The following ACSS3 variants were observed in gnomAD, a reference collection of about 807,000 sequenced individuals.
ACSS3 encodes the protein acyl-CoA synthetase short chain family member 3.
ACSS3 carries 64 observed loss-of-function variants against 84.2 expected under a neutral mutation model. The ratio of observed to expected loss-of-function variants is 0.76; its 90% CI spans 0.62 to 0.94. ACSS3 has a LOEUF of 0.94. ACSS3 is among the 40% of genes least tolerant of loss of function. The pLI, the probability that ACSS3 is intolerant of heterozygous loss-of-function variation, is 0.00. For missense variants in ACSS3, 815 were observed against 867.6 expected, an observed-to-expected ratio of 0.94 and a Z score of 0.76; for synonymous variants, 317 against 310.1, an observed-to-expected ratio of 1.02 and a Z score of -0.23.
intron 10 of ACSS3, among the ~76,000 whole-genome samples, chr12:81,219,548 T>C (rs1034035011): frequency 6.6e-6 from 1 of 152,120 alleles, no homozygotes; most frequent in African/African-American, 2.4e-5. Flanking sequence ...GAAGATTAAA[T>C]TGACCAAATT....
intron 2 of ACSS3, among the ~76,000 whole-genome samples, chr12:81,131,256 T>A (rs1464232454): frequency 1.3e-5 from 2 of 152,230 alleles, no homozygotes; most frequent in Non-Finnish European, 2.9e-5. Flanking sequence ...TTCCCATCCA[T>A]GAGCATGGAG....
rs1422194458 is a variant in ACSS3 at position 81,078,253 on chromosome 12, G to A, written c.133G>A (p.Gly45Ser). ...TTTAGTGGTCCCGGGCCCGCGGGGC[G>A]GTCTCGGGGGCCGGGGATGCAGGGC... ...RALVVPGPRG[G>S]LGGRGCRALS... Residue 45 changes from glycine to serine, a missense_variant, in exon 1 of 16, where the codon GGT (glycine) becomes AGT (serine). Physicochemically the swap from Gly to Ser is moderately conservative, Grantham distance 56 (BLOSUM62 0). Coordinates refer to ENST00000548058, the MANE Select transcript of ACSS3 (RefSeq NM_024560.4). 2 of 1,608,376 alleles carry A rather than the reference G, an allele frequency of 1.2e-6. No homozygotes were observed. Among genetic ancestry groups the A allele is most frequent in the African/African-American group, 2.7e-5 (2 of 74,822 alleles).
At chr12:81,225,716 A>G (rs577296377) in intron 11 of ACSS3, among the ~76,000 whole-genome samples, 1 of 151,918 alleles carries the variant, frequency 6.6e-6, no homozygotes, top group Non-Finnish European at 1.5e-5. Flanking sequence ...GTAGTTCACA[A>G]AGTGCTAGGA....
intron 13 of ACSS3, among the ~76,000 whole-genome samples, chr12:81,251,668 C>CAAAAAAAA (rs71098134): frequency 1.7e-3 from 153 of 87,566 alleles, no homozygotes; most frequent in Middle Eastern, 0.016. Context: ...CCCATCTCTA[C>CAAAAAAAA]AAAAAAAAAA....
intron 1 of ACSS3, among the ~76,000 whole-genome samples, chr12:81,085,894 G>T (rs865799808): frequency 9.9e-5 from 15 of 152,072 alleles, no homozygotes; most frequent in Middle Eastern, 3.4e-3. Context: ...ATTATTCTAG[G>T]GTTCTTGGGC....
intron 2 of ACSS3, among the ~76,000 whole-genome samples, chr12:81,132,187 G>A (rs1431407729): frequency 6.6e-6 from 1 of 152,164 alleles, no homozygotes; most frequent in Non-Finnish European, 1.5e-5. Flanking sequence ...GATTGGAATA[G>A]TTTCAGAAGG....
intron 8 of ACSS3, among the ~76,000 whole-genome samples, chr12:81,177,210 G>A (rs1182193643): frequency 2.6e-5 from 4 of 152,008 alleles, no homozygotes; most frequent in Non-Finnish European, 5.9e-5. Flanking sequence ...ACAATATACT[G>A]AACAGGGAAA....
At chr12:81,248,899 C>T (rs1015086831) in intron 13 of ACSS3, among the ~76,000 whole-genome samples, 6 of 151,776 alleles carry the variant, frequency 4.0e-5, no homozygotes, top group Admixed American at 3.9e-4. Flanking sequence ...ATTTATATTA[C>T]CTAAATCAAG....
At chr12:81,238,632 G>A (rs564855817) in intron 13 of ACSS3, among the ~76,000 whole-genome samples, 1 of 151,524 alleles carries the variant, frequency 6.6e-6, no homozygotes, top group Non-Finnish European at 1.5e-5. Flanking sequence ...ATTTTGTCTA[G>A]GTAATCAAAT....
chr12:81,196,822 C>G (rs11114786), intron 8 of ACSS3, among the ~76,000 whole-genome samples: 1 of 151,880 alleles, frequency 6.6e-6, no homozygotes, highest in Non-Finnish European at 1.5e-5. Flanking sequence ...AGCTGTCATG[C>G]GAATAAGTAG....
chr12:81,169,823 C>T (rs1722168474), intron 7 of ACSS3, among the ~76,000 whole-genome samples: 9 of 152,096 alleles, frequency 5.9e-5, no homozygotes, highest in Admixed American at 5.9e-4. Context: ...AGTTTTATCA[C>T]TCTCCTGAAA....
intron 1 of ACSS3, among the ~76,000 whole-genome samples, chr12:81,086,550 T>A (rs1311740956): frequency 6.6e-6 from 1 of 152,172 alleles, no homozygotes. Flanking sequence ...GCGCAATCAA[T>A]GAACAATGGA....
Position 81,125,092 on chromosome 12 carries a change from T to C in ACSS3, c.457-9724T>C, listed in dbSNP as rs188161962. Among the ~76,000 whole-genome samples, 16 of 152,258 alleles carry C rather than the reference T, an allele frequency of 1.1e-4. No homozygotes were observed. In the East Asian group the frequency reaches 2.7e-3, roughly 26 times the overall value. ...AGCCGGGCGTGGTGGTGGGCGCCTG[T>C]AGTCCCAGCTACTCGGGAGGCTGAG... On this transcript the variant is annotated intron_variant, in intron 2 of 15. Transcript: ENST00000548058.
chr12:81,174,806 C>G lies in ACSS3; in HGVS notation c.1117C>G (p.Pro373Ala). The G allele has an allele frequency of 6.2e-7, 1 of 1,613,088 alleles. No individual in the cohort carries two copies. Among genetic ancestry groups the G allele is most frequent in the Non-Finnish European group, 8.5e-7 (1 of 1,179,400 alleles). The change falls in exon 8 of 16, where the codon CCA becomes GCA. Residue 373 changes from proline to alanine, a missense_variant. Pro to Ala is a conservative substitution (Grantham distance 27). Coordinates refer to ENST00000548058, the MANE Select transcript of ACSS3 (RefSeq NM_024560.4). Reference sequence around the variant, plus strand: ...ATTGTAGGGGAAGCCTGTGGGAACACCAGATGCTGGCGCTTATTTCCGTGT... The same window carrying G: ...ATTGTAGGGGAAGCCTGTGGGAACAGCAGATGCTGGCGCTTATTTCCGTGT... ...VLYEGKPVGT[P>A]DAGAYFRVLA... is the part of the protein sequence containing the mutation.
chr12:81,135,184 A>T (rs1284840517), intron 3 of ACSS3, among the ~76,000 whole-genome samples, 180 bp downstream of exon 3: 1 of 150,640 alleles, frequency 6.6e-6, no homozygotes, highest in African/African-American at 2.4e-5. Context: ...CTACATGCAT[A>T]TGTTTATTGC....
intron 7 of ACSS3, among the ~76,000 whole-genome samples, chr12:81,159,594 T>C (rs1474288970): frequency 1.3e-5 from 2 of 152,340 alleles, no homozygotes; most frequent in African/African-American, 2.4e-5. Context: ...AATTGAATGG[T>C]ACTTCTTTAG....
intron 8 of ACSS3, among the ~76,000 whole-genome samples, chr12:81,177,923 A>G (rs1053922486): frequency 6.6e-5 from 10 of 152,236 alleles, no homozygotes; most frequent in African/African-American, 2.4e-4. Context: ...TCAGGGATCT[A>G]GAACTTGAAA....
intron 13 of ACSS3, among the ~76,000 whole-genome samples, chr12:81,235,907 T>C (rs568050608): frequency 3.3e-4 from 50 of 151,514 alleles, no homozygotes; most frequent in African/African-American, 1.2e-3. Flanking sequence ...ACAATTATGT[T>C]ACATGTGAAT....
At chr12:81,230,665 A>G (rs1485521311) in intron 11 of ACSS3, among the ~76,000 whole-genome samples, 2 of 151,904 alleles carry the variant, frequency 1.3e-5, no homozygotes, top group East Asian at 1.9e-4. Flanking sequence ...AGATGACAAT[A>G]TCTTAGTACT....
Sources: gnomAD v4.1 joint callset for allele counts (sites outside exome capture counted in the v4.1 genomes callset) on GRCh38, gnomAD v4.1.1 for gene constraint, MANE v1.5 for transcripts, NCBI Gene and HGNC (gene_info 2026-07-23, HGNC 2026-07-21) for gene names.